Variants in TPTE2 observed in about 807,000 individuals in gnomAD.
TPTE2 encodes transmembrane phosphoinositide 3-phosphatase and tensin homolog 2, also known as phosphatidylinositol 3,4,5-trisphosphate 3-phosphatase TPTE2.
In TPTE2, 53 loss-of-function variants were observed where a neutral mutation model predicts 78.6. That is an observed-to-expected ratio of 0.67 (90% confidence interval 0.54 to 0.85). The LOEUF (loss-of-function observed/expected upper bound fraction) is 0.85, where lower values mean the gene tolerates loss of function less well. TPTE2 is among the 40% of genes least tolerant of loss of function. The probability of loss-of-function intolerance (pLI) is 0.00; values close to 1 mark genes in which losing one functional copy is unlikely to be tolerated. For missense variants in TPTE2, 461 were observed against 623.0 expected, an observed-to-expected ratio of 0.74 and a Z score of 2.77; for synonymous variants, 175 against 206.2, an observed-to-expected ratio of 0.85 and a Z score of 1.30.
intron 1 of TPTE2, among the ~76,000 whole-genome samples, chr13:19,508,868 C>T (rs962225481): frequency 7.9e-5 from 12 of 151,950 alleles, no homozygotes; most frequent in African/African-American, 2.9e-4. Flanking sequence ...GAGCAAAAGA[C>T]CTATGAGGGC....
intron 10 of TPTE2, among the ~76,000 whole-genome samples, chr13:19,460,094 G>A (rs1051619721): frequency 3.3e-5 from 5 of 152,174 alleles, no homozygotes; most frequent in South Asian, 2.1e-4. Flanking sequence ...GAAGATCCCC[G>A]GCTACAGTGT....
chr13:19,519,174 GTA>G (rs1488358535), intron 1 of TPTE2, among the ~76,000 whole-genome samples: 1 of 152,060 alleles, frequency 6.6e-6, no homozygotes, highest in African/African-American at 2.4e-5. Context: ...GAGTGAGTGG[GTA>G]TAGCAACCAT....
the TPTE2 span, chr13:19,560,806 GC>G: frequency 6.7e-7 from 1 of 1,495,206 alleles, no homozygotes; most frequent in Non-Finnish European, 9.1e-7. Flanking sequence ...TTGTACTCCC[GC>G]CCACCCCGGA....
At chr13:19,488,212 A>T (rs1209837004) in intron 3 of TPTE2, among the ~76,000 whole-genome samples, 1 of 152,166 alleles carries the variant, frequency 6.6e-6, no homozygotes, top group African/African-American at 2.4e-5. Context: ...AGCACCAGGC[A>T]TCTCTATTCA....
At chr13:19,439,612 A>G (rs940071646) in intron 13 of TPTE2, among the ~76,000 whole-genome samples, 12 of 152,190 alleles carry the variant, frequency 7.9e-5, no homozygotes, top group South Asian at 4.1e-4. Flanking sequence ...AATGCTTCCT[A>G]CCAAAATGAA....
intron 1 of TPTE2, among the ~76,000 whole-genome samples, chr13:19,529,939 C>A (rs1277004501): frequency 6.6e-6 from 1 of 152,142 alleles, no homozygotes; most frequent in Non-Finnish European, 1.5e-5. Context: ...ACTGAAGTAG[C>A]CCCAGAAACT....
intron 14 of TPTE2, 39 bp downstream of exon 17, chr13:19,438,053 A>G (rs1468670013): frequency 6.3e-7 from 1 of 1,593,902 alleles, no homozygotes; most frequent in Non-Finnish European, 8.5e-7. Context: ...TAGCAAACTC[A>G]ATCATCATAA....
intron 1 of TPTE2, among the ~76,000 whole-genome samples, chr13:19,516,924 A>G (rs1869832677): frequency 6.6e-6 from 1 of 152,200 alleles, no homozygotes; most frequent in Admixed American, 6.5e-5. Context: ...GCTGGGTCAC[A>G]GACAACAGCA....
intron 3 of TPTE2, among the ~76,000 whole-genome samples, chr13:19,485,038 GTA>G (rs1320534912): frequency 1.3e-5 from 2 of 152,062 alleles, no homozygotes; most frequent in African/African-American, 4.8e-5. Flanking sequence ...TGGTTGTTTT[GTA>G]TATGTTTTAT....
At chr13:19,502,279 C>T (rs1232011489) in intron 1 of TPTE2, among the ~76,000 whole-genome samples, 2 of 149,130 alleles carry the variant, frequency 1.3e-5, no homozygotes, top group African/African-American at 5.0e-5. Context: ...ACCATTTGAC[C>T]CAGCCATCCC....
At chr13:19,500,623 A>G (rs1049284600) in intron 1 of TPTE2, among the ~76,000 whole-genome samples, 4 of 152,226 alleles carry the variant, frequency 2.6e-5, no homozygotes, top group African/African-American at 9.7e-5. Flanking sequence ...AAAACTCTCA[A>G]TAAATTAGGT....
Position 19,495,005 on chromosome 13 carries a change from T to C in TPTE2, c.12-1504A>G, listed in dbSNP as rs189699239. 4.2e-3 allele frequency among the ~76,000 whole-genome samples: 637 copies of C among 152,142 alleles called. 5 individuals carry two copies. The highest frequency in any genetic ancestry group is 0.026 in the South Asian group (126 of 4,812). On this transcript the variant is annotated intron_variant, in intron 1 of 19. Coordinates refer to ENST00000400230, the Ensembl canonical transcript of TPTE2. ...TTTAGGCTGTGAACATAGTGATGCA[T>C]CCAGATTAAGTAAGGGTATCTACAC...
intron 1 of TPTE2, among the ~76,000 whole-genome samples, chr13:19,502,353 A>C (rs1012461948): frequency 4.0e-5 from 6 of 151,406 alleles, no homozygotes; most frequent in African/African-American, 1.5e-4. Context: ...GCACACGTAT[A>C]TTTATTGTGG....
intron 6 of TPTE2, among the ~76,000 whole-genome samples, chr13:19,469,653 T>C (rs558474024): frequency 6.6e-6 from 1 of 152,224 alleles, no homozygotes; most frequent in African/African-American, 2.4e-5. Context: ...TTCCAATCCA[T>C]GAAATGGAAT....
At chr13:19,536,920 A>G (rs1871246645), upstream of TPTE2, among the ~76,000 whole-genome samples, 1 of 150,852 alleles carries the variant, frequency 6.6e-6, no homozygotes, top group Admixed American at 6.6e-5. Flanking sequence ...ATACTTGTTT[A>G]ATATGAATAT....
chr13:19,515,103 T>C (rs1233556700), intron 1 of TPTE2, among the ~76,000 whole-genome samples: 1 of 152,220 alleles, frequency 6.6e-6, no homozygotes, highest in Non-Finnish European at 1.5e-5. Context: ...AATATGAACA[T>C]ACATATTTTT....
At chr13:19,553,213 C>A in the TPTE2 span, among the ~76,000 whole-genome samples, 2 of 152,124 alleles carry the variant, frequency 1.3e-5, no homozygotes, top group African/African-American at 4.8e-5. Flanking sequence ...CACAACCAAC[C>A]CTATGAGTAA....
chr13:19,560,452 A>T, the TPTE2 span: 1 of 1,607,874 alleles, frequency 6.2e-7, no homozygotes. Flanking sequence ...CTGCAGTGGC[A>T]GTGAGCGCTG....
Position 19,493,417 on chromosome 13 carries a change from G to A in TPTE2, c.65+31C>T, listed in dbSNP as rs375615843. The A allele has an allele frequency of 1.1e-4, 176 of 1,607,714 alleles. 1 individual carries two copies. The highest frequency in any genetic ancestry group is 2.0e-4 in the Admixed American group (12 of 59,976). On this transcript the variant is annotated intron_variant, in intron 2 of 19. Transcript: ENST00000400230. ...TAGTTCTATGCACACTTATGCTGAC[G>A]GGTGACTTTATTTAACTATTTATTA...
Sources: gnomAD v4.1 joint callset for allele counts (sites outside exome capture counted in the v4.1 genomes callset) on GRCh38, gnomAD v4.1.1 for gene constraint, MANE v1.5 for transcripts, NCBI Gene and HGNC (gene_info 2026-07-23, HGNC 2026-07-21) for gene names.